EYS: variants seen among roughly 807,000 people sequenced by gnomAD.
EYS encodes the protein EGF-like photoreceptor maintenance factor.
Under a neutral mutation model 282.1 loss-of-function variants are expected in EYS, and 250 were observed. The ratio of observed to expected loss-of-function variants is 0.89; its 90% CI spans 0.80 to 0.98. EYS has a LOEUF of 0.98. Among genes scored for constraint, EYS ranks in the 50% least tolerant of loss-of-function variants. The probability of loss-of-function intolerance (pLI) is 0.00; values close to 1 mark genes in which losing one functional copy is unlikely to be tolerated. For missense variants in EYS, 4,016 were observed against 3,709.0 expected, an observed-to-expected ratio of 1.08 and a Z score of -2.15; for synonymous variants, 1,355 against 1,282.9, an observed-to-expected ratio of 1.06 and a Z score of -1.20.
chr6:63,950,930 A>G (rs753164060), intron 35 of EYS, among the ~76,000 whole-genome samples: 1 of 151,996 alleles, frequency 6.6e-6, no homozygotes, highest in Non-Finnish European at 1.5e-5. Context: ...ACTTGGGAAG[A>G]CAGTCTTCCC....
chr6:65,609,378 T>A (rs7744893), intron 2 of EYS, among the ~76,000 whole-genome samples: 53,973 of 151,228 alleles, frequency 0.36, 12,034 homozygotes, highest in Non-Finnish European at 0.49. Context: ...AAGAACTGTA[T>A]AAAATTTAAT....
intron 8 of EYS, among the ~76,000 whole-genome samples, chr6:65,373,909 T>C (rs946100488): frequency 6.6e-6 from 1 of 152,214 alleles, no homozygotes; most frequent in Non-Finnish European, 1.5e-5. Context: ...AGTGGACTTA[T>C]TACAAGTCAT....
Position 64,460,524 on chromosome 6 carries a change from T to C in EYS, c.5645-21172A>G, listed in dbSNP as rs372820972. ...CTTGTTTGAAGCAATGTTTAGAGAG[T>C]CACATAGATTCCTTATGCTTAAAAA... On this transcript the variant is annotated intron_variant, in intron 26 of 42. Coordinates refer to ENST00000503581, the MANE Select transcript of EYS (RefSeq NM_001142800.2). Among the ~76,000 whole-genome samples, 44 of 152,314 alleles carry C rather than the reference T, an allele frequency of 2.9e-4. No homozygotes were observed. In the South Asian group the frequency reaches 8.3e-3, roughly 29 times the overall value.
chr6:65,614,280 C>G (rs1037934354), intron 2 of EYS, among the ~76,000 whole-genome samples: 10 of 151,984 alleles, frequency 6.6e-5, no homozygotes. Context: ...TCTTGCTACA[C>G]TGTACTTCAC....
chr6:64,683,966 C>G (rs796755545), intron 22 of EYS, among the ~76,000 whole-genome samples: 25 of 152,312 alleles, frequency 1.6e-4, no homozygotes, highest in African/African-American at 4.8e-4. Context: ...AGTCTGTAAA[C>G]GAAGGCAGGC....
intron 31 of EYS, among the ~76,000 whole-genome samples, chr6:64,099,244 TTGAGAA>T (rs1359257743): frequency 6.6e-6 from 1 of 152,040 alleles, no homozygotes; most frequent in Non-Finnish European, 1.5e-5. Flanking sequence ...AAATGAGTGT[TTGAGAA>T]TGACAATGAA....
At chr6:63,858,251 A>C (rs1772442979) in intron 36 of EYS, among the ~76,000 whole-genome samples, 1 of 152,284 alleles carries the variant, frequency 6.6e-6, no homozygotes, top group Non-Finnish European at 1.5e-5. Flanking sequence ...ATTTGATTTT[A>C]CTGTAAATTA....
At chr6:64,681,945 C>G (rs1448017964) in intron 22 of EYS, among the ~76,000 whole-genome samples, 1 of 152,154 alleles carries the variant, frequency 6.6e-6, no homozygotes, top group Non-Finnish European at 1.5e-5. Flanking sequence ...TGTGACTTAA[C>G]AGCTGCGCTA....
At chr6:65,087,201 C>G (rs570862898) in intron 12 of EYS, among the ~76,000 whole-genome samples, 1 of 152,056 alleles carries the variant, frequency 6.6e-6, no homozygotes, top group East Asian at 1.9e-4. Flanking sequence ...TGTTTTCCAT[C>G]CTCTCACACA....
intron 35 of EYS, among the ~76,000 whole-genome samples, chr6:63,963,002 T>G (rs1454401018): frequency 6.6e-6 from 1 of 151,562 alleles, no homozygotes; most frequent in African/African-American, 2.4e-5. Flanking sequence ...AGCAAACTAT[T>G]GCAAGTGCAA....
intron 41 of EYS, chr6:63,744,158 T>G (rs1208478970): frequency 6.6e-6 from 1 of 152,252 alleles, no homozygotes; most frequent in Admixed American, 6.5e-5. Context: ...TTTTTTCTCA[T>G]GCATACTCCA....
At chr6:64,523,907 T>G (rs1227915162) in intron 26 of EYS, among the ~76,000 whole-genome samples, 2 of 151,806 alleles carry the variant, frequency 1.3e-5, no homozygotes. Flanking sequence ...ATTGAAATTT[T>G]ATCTATATAA....
chr6:64,871,573 TA>T (rs998698058), intron 19 of EYS, among the ~76,000 whole-genome samples: 12 of 151,786 alleles, frequency 7.9e-5, no homozygotes, highest in African/African-American at 2.2e-4. Context: ...GACAACAGAG[TA>T]AAAGAAATGT....
intron 12 of EYS, among the ~76,000 whole-genome samples, chr6:65,182,302 T>A (rs1402527696): frequency 6.6e-6 from 1 of 151,486 alleles, no homozygotes; most frequent in Admixed American, 6.6e-5. Context: ...AACTTATTTT[T>A]AAAATTTGAA....
chr6:63,879,941 T>C (rs1488681510), intron 35 of EYS, among the ~76,000 whole-genome samples: 1 of 152,234 alleles, frequency 6.6e-6, no homozygotes, highest in Non-Finnish European at 1.5e-5. Flanking sequence ...GTTATTGTTG[T>C]ACTGAACGTA....
intron 11 of EYS, among the ~76,000 whole-genome samples, chr6:65,297,602 T>C (rs1250473583): frequency 6.6e-6 from 1 of 151,984 alleles, no homozygotes; most frequent in Non-Finnish European, 1.5e-5. Flanking sequence ...TAAATAAATA[T>C]ATTTGTGCCT....
At chr6:64,881,211 T>G (rs998358250) in intron 19 of EYS, among the ~76,000 whole-genome samples, 3 of 151,106 alleles carry the variant, frequency 2.0e-5, no homozygotes, top group Non-Finnish European at 4.4e-5. Context: ...CTTATCATCA[T>G]TTTTTTGACA....
At chr6:64,405,945 T>C (rs192616231) in intron 28 of EYS, among the ~76,000 whole-genome samples, 8 of 152,256 alleles carry the variant, frequency 5.3e-5, no homozygotes, top group Admixed American at 2.6e-4. Flanking sequence ...CTTCACAGAA[T>C]TGGAAAATAC....
chr6:64,904,377 A>G (rs1031281639), intron 16 of EYS, among the ~76,000 whole-genome samples: 1 of 152,184 alleles, frequency 6.6e-6, no homozygotes, highest in Non-Finnish European at 1.5e-5. Context: ...ATTACTTCCA[A>G]GTTATTATGG....
Sources: gnomAD v4.1 joint callset for allele counts (sites outside exome capture counted in the v4.1 genomes callset) on GRCh38, gnomAD v4.1.1 for gene constraint, MANE v1.5 for transcripts, NCBI Gene and HGNC (gene_info 2026-07-23, HGNC 2026-07-21) for gene names.